The following PRKAB1 variants were observed in gnomAD, a reference collection of about 807,000 sequenced individuals.
The protein encoded by PRKAB1 is protein kinase AMP-activated non-catalytic subunit beta 1.
A neutral mutation model predicts 32.0 loss-of-function variants in PRKAB1; 18 were observed. The observed-to-expected ratio is 0.56, with a 90% CI of 0.39 to 0.83. The LOEUF is 0.83. PRKAB1 is among the 40% of genes least tolerant of loss of function. The probability of loss-of-function intolerance (pLI) is 0.00; values close to 1 mark genes in which losing one functional copy is unlikely to be tolerated. For missense variants in PRKAB1, 263 were observed against 352.6 expected (o/e 0.75, Z 2.03); for synonymous variants, 141 against 141.4 (o/e 1.00, Z 0.02).
Position 119,680,002 on chromosome 12 carries a change from G to A in PRKAB1, c.735+1G>A. On this transcript the variant is annotated splice_donor_variant, in intron 6 of 6. Transcript: ENST00000229328. LOFTEE classifies it high-confidence loss of function. The stretch of plus-strand genomic sequence containing the variant: ...CCACCTATACGCGCTGTCTATCAAG[G>A]TAATGACATGTCTGTCCCCATGAGA... 6.2e-7 allele frequency: 1 copy of A among 1,611,958 alleles called. No individual in the cohort carries two copies. Among genetic ancestry groups the A allele is most frequent in the Non-Finnish European group, 8.5e-7 (1 of 1,177,982 alleles).
Position 119,679,576 on chromosome 12 carries a change from G to T in PRKAB1, c.667-357G>T, listed in dbSNP as rs17408578. 20,760 of 316,330 alleles carry T rather than the reference G, an allele frequency of 0.066. 928 individuals are homozygous for T. Among genetic ancestry groups the T allele is most frequent in the Non-Finnish European group, 0.087 (13,868 of 160,318 alleles). The allele number at this position is 316,330 out of a possible 1,614,324, so 19.6% of individuals were successfully genotyped here. A position where few individuals can be genotyped will look rare whatever the true frequency, so the allele number is the denominator to read the frequency against. On this transcript the variant is annotated intron_variant, in intron 5 of 6. Coordinates refer to ENST00000229328, the MANE Select transcript of PRKAB1 (RefSeq NM_006253.5). This position sits in a 1 kb window ranked among gnomAD's most constrained non-coding sequence, Gnocchi z 4.1. ...TGAATCCATTGCTCAGGAGCGTTTA[G>T]TGCAGATGGTCTCTTCCTGTGTTCT...
Position 119,674,071 on chromosome 12 carries a change from C to A in PRKAB1, c.417+14C>A. ...GACCCTTCCGAGGTACTCTTCCTCC[C>A]ACCTCTGGTCCTCTGGGTGCCCGCA... On this transcript the variant is annotated intron_variant, in intron 3 of 6. Transcript: ENST00000229328. This position sits in a 1 kb window ranked among gnomAD's most constrained non-coding sequence, Gnocchi z 4.3. 6.2e-7 allele frequency: 1 copy of A among 1,608,282 alleles called. No homozygotes were observed. Among genetic ancestry groups the A allele is most frequent in the Non-Finnish European group, 8.5e-7 (1 of 1,175,886 alleles).
intron 4 of PRKAB1, among the ~76,000 whole-genome samples, chr12:119,675,117 G>A (rs373515275): frequency 2.6e-5 from 4 of 152,334 alleles, no homozygotes; most frequent in East Asian, 1.9e-4. Flanking sequence ...TACAGTTCGG[G>A]GGAAGAGGGT....
chr12:119,668,464 A>T (rs1049215188), intron 1 of PRKAB1, 61 bp downstream of exon 1: 4 of 1,576,096 alleles, frequency 2.5e-6, no homozygotes, highest in Non-Finnish European at 3.4e-6. Context: ...GGAACCCTCC[A>T]CTAGATTCCC....
At position 119,676,522 on chromosome 12, in the gene PRKAB1, A is replaced by AC; in HGVS notation, c.533-13dup. The AC allele has an allele frequency of 6.3e-7, 1 of 1,596,260 alleles. No homozygotes were observed. The highest frequency in any genetic ancestry group is 8.6e-7 in the Non-Finnish European group (1 of 1,168,626). On this transcript the variant is annotated splice_polypyrimidine_tract_variant and intron_variant, in intron 4 of 6. Coordinates refer to ENST00000229328, the MANE Select transcript of PRKAB1 (RefSeq NM_006253.5). ...CTGATTTTCAAAGTAAAGTCCTGTT[A>AC]CCATCTCCCAACAGAGCTGTCCAGT... is the stretch of plus-strand genomic sequence containing the variant.
chr12:119,679,474 A>C lies in PRKAB1; in HGVS notation c.667-459A>C, dbSNP rs278152. The C allele has an allele frequency of 0.33, 55,321 of 169,788 alleles. 9,991 individuals are homozygous for C. The highest frequency in any genetic ancestry group is 0.46 in the African/African-American group (19,223 of 41,732). 10.5% of individuals were successfully genotyped at this position (169,788 alleles called of 1,614,324 possible). ...GCTCTGAGTGCCAGCCCGGTGGCAG[A>C]TTTTCCAGAGTAGTGGTGTCTTGCC... On this transcript the variant is annotated intron_variant, in intron 5 of 6. Coordinates refer to ENST00000229328, the MANE Select transcript of PRKAB1 (RefSeq NM_006253.5). This position sits in a 1 kb window ranked among gnomAD's most constrained non-coding sequence, Gnocchi z 4.1.
At chr12:119,676,187 G>GT (rs1437173868) in intron 4 of PRKAB1, among the ~76,000 whole-genome samples, 2 of 152,120 alleles carry the variant, frequency 1.3e-5, no homozygotes, top group African/African-American at 2.4e-5. Context: ...CTTCTTTGTG[G>GT]TTTTGCCAGC....
chr12:119,678,396 A>G (rs759556247), intron 5 of PRKAB1: 2 of 152,266 alleles, frequency 1.3e-5, no homozygotes, highest in Non-Finnish European at 2.9e-5. Flanking sequence ...GAGAACACTT[A>G]AAATCTACTG....
At position 119,671,500 on chromosome 12, in the gene PRKAB1, C is replaced by T. The variant is rs577735166; in HGVS notation, c.160-801C>T. On this transcript the variant is annotated intron_variant, in intron 1 of 6. Coordinates refer to ENST00000229328, the MANE Select transcript of PRKAB1 (RefSeq NM_006253.5). ...TAAAAGGCACCTCTTCACAGGACGG[C>T]AGAAGAGAATGAGAGCAAGCAGGGG... 20 of 416,340 alleles carry T rather than the reference C, an allele frequency of 4.8e-5. 1 individual carries two copies. Among genetic ancestry groups the T allele is most frequent in the Non-Finnish European group, 8.8e-5 (18 of 205,226 alleles). The allele number at this position is 416,340 out of a possible 1,614,324, so 25.8% of individuals were successfully genotyped here.
chr12:119,670,103 A>G (rs1010044807), intron 1 of PRKAB1, among the ~76,000 whole-genome samples: 1 of 151,776 alleles, frequency 6.6e-6, no homozygotes, highest in South Asian at 2.1e-4. Flanking sequence ...CTTCAACCAC[A>G]CTCCTGTTAA....
At chr12:119,670,148 G>T (rs1179215254) in intron 1 of PRKAB1, among the ~76,000 whole-genome samples, 1 of 152,156 alleles carries the variant, frequency 6.6e-6, no homozygotes, top group Non-Finnish European at 1.5e-5. Context: ...CAGCCGCAGG[G>T]CTCAGTCCAA....
In PRKAB1 at chr12:119,672,160, G is replaced by A. The variant is rs967981193; in HGVS notation, c.160-141G>A. The A allele has an allele frequency of 1.5e-4, 117 of 806,626 alleles. No individual in the cohort carries two copies. In the African/African-American group the frequency reaches 1.9e-3, roughly 13 times the overall value. 50.0% of individuals were successfully genotyped at this position (806,626 alleles called of 1,614,324 possible). A position where few individuals can be genotyped will look rare whatever the true frequency, so the allele number is the denominator to read the frequency against. ...AATATATTTCTATTTTGCAGGCAAG[G>A]AAACTGAGGCACCACTAGTAAGTTT... On this transcript the variant is annotated intron_variant, in intron 1 of 6. Coordinates refer to ENST00000229328, the MANE Select transcript of PRKAB1 (RefSeq NM_006253.5).
At position 119,674,188 on chromosome 12, in the gene PRKAB1, G is replaced by A; in HGVS notation, c.417+131G>A. On this transcript the variant is annotated intron_variant, in intron 3 of 6. Transcript: ENST00000229328. The surrounding 1 kb of genome is among the most constrained non-coding windows in gnomAD (Gnocchi z 4.3). ...CCGTGTGTGGCAGAGCTGAGTAGCA[G>A]CACTACCTGTCAGACAGTTGGCATA... is the stretch of plus-strand genomic sequence containing the variant. 9.8e-7 allele frequency: 1 copy of A among 1,023,866 alleles called. No individual in the cohort carries two copies. Among genetic ancestry groups the A allele is most frequent in the Non-Finnish European group, 1.5e-6 (1 of 680,278 alleles). The allele number at this position is 1,023,866 out of a possible 1,614,324, so 63.4% of individuals were successfully genotyped here.
intron 1 of PRKAB1, among the ~76,000 whole-genome samples, chr12:119,672,007 T>C (rs1955391818): frequency 6.6e-6 from 1 of 152,244 alleles, no homozygotes; most frequent in African/African-American, 2.4e-5. Context: ...CAAGTGTGTT[T>C]CATAGCTTCT....
chr12:119,668,206 G>A lies in PRKAB1; in HGVS notation c.-39G>A. On this transcript the variant is annotated 5_prime_UTR_variant, in exon 1 of 7. Transcript: ENST00000229328. The stretch of plus-strand genomic sequence containing the variant: ...CTCAGGGTCCCTTTCCTGCAGTGAG[G>A]CGCCGTCCGCCTTCCCTGTGTCCCC... The A allele has an allele frequency of 2.0e-6, 3 of 1,530,590 alleles. No individual in the cohort carries two copies. The highest frequency in any genetic ancestry group is 2.6e-6 in the Non-Finnish European group (3 of 1,146,090). 94.8% of individuals were successfully genotyped at this position (1,530,590 alleles called of 1,614,324 possible). A position where few individuals can be genotyped will look rare whatever the true frequency, so the allele number is the denominator to read the frequency against.
intron 2 of PRKAB1, among the ~76,000 whole-genome samples, chr12:119,672,905 A>G (rs1489363132): frequency 2.0e-5 from 3 of 152,220 alleles, no homozygotes; most frequent in Non-Finnish European, 2.9e-5. Context: ...GGTTTCATCT[A>G]ACTTTGACTC....
rs989037787 is a variant in PRKAB1 at position 119,677,986 on chromosome 12, G to C, written c.666+1316G>C. ...TCACCATGTTAGCCAAGATGGTCTC[G>C]ATCTCCTAGCCTCGTGATCCACCCG... On this transcript the variant is annotated intron_variant, in intron 5 of 6. Transcript: ENST00000229328. The C allele has an allele frequency of 2.6e-5, 4 of 152,204 alleles. No homozygotes were observed. In the East Asian group the frequency reaches 7.7e-4, roughly 29 times the overall value. 9.4% of individuals were successfully genotyped at this position (152,204 alleles called of 1,614,324 possible).
At chr12:119,673,374 G>A (rs925346094) in intron 2 of PRKAB1, among the ~76,000 whole-genome samples, 13 of 152,246 alleles carry the variant, frequency 8.5e-5, no homozygotes, top group African/African-American at 2.9e-4. Flanking sequence ...TAAAATGAGG[G>A]AGAAAGTGTC....
intron 1 of PRKAB1, 128 bp from the exon 2 acceptor site, chr12:119,672,173 C>T: frequency 1.1e-6 from 1 of 923,842 alleles, no homozygotes; most frequent in East Asian, 2.8e-5. Context: ...ACTGAGGCAC[C>T]ACTAGTAAGT....
Sources: gnomAD v4.1 joint callset for allele counts (sites outside exome capture counted in the v4.1 genomes callset) on GRCh38, gnomAD v4.1.1 for gene constraint, Gnocchi (gnomAD v3.1) non-coding constraint, MANE v1.5 for transcripts, NCBI Gene and HGNC (gene_info 2026-07-23, HGNC 2026-07-21) for gene names.